DMRT1: variants seen among roughly 807,000 people sequenced by gnomAD.
DMRT1 encodes doublesex- and mab-3-related transcription factor 1.
Under a neutral mutation model 32.3 loss-of-function variants are expected in DMRT1, and 7 were observed. That is an observed-to-expected ratio of 0.22 (90% CI 0.12 to 0.41). DMRT1 has a LOEUF of 0.41. Among genes scored for constraint, DMRT1 ranks in the 10% least tolerant of loss-of-function variants. The pLI is 1.00. For missense variants in DMRT1, 625 were observed against 500.5 expected, an observed-to-expected ratio of 1.25 and a Z score of -2.37; for synonymous variants, 278 against 206.1, an observed-to-expected ratio of 1.35 and a Z score of -2.99.
chr9:865,751 A>G (rs892971487), intron 2 of DMRT1, among the ~76,000 whole-genome samples: 1 of 152,200 alleles, frequency 6.6e-6, no homozygotes, highest in African/African-American at 2.4e-5. Context: ...AACATGGTAG[A>G]TGTATTAAAC....
In DMRT1 at chr9:968,164, T is replaced by A. The variant is rs777852460; in HGVS notation, c.*25T>A. 8 of 1,613,502 alleles carry A rather than the reference T, an allele frequency of 5.0e-6. No homozygotes were observed. In the Admixed American group the frequency reaches 1.3e-4, roughly 27 times the overall value. ...AGCAGTGCCTGCTGCCGATGGCGGT[T>A]CACTTGGAGTAACAGGCTTATTCCA... On this transcript the variant is annotated 3_prime_UTR_variant, in exon 5 of 5. Coordinates refer to ENST00000382276, the MANE Select transcript of DMRT1 (RefSeq NM_021951.3).
intron 2 of DMRT1, among the ~76,000 whole-genome samples, chr9:870,216 G>GA: frequency 6.6e-6 from 1 of 152,180 alleles, no homozygotes; most frequent in East Asian, 1.9e-4. Flanking sequence ...TGGGTAACAC[G>GA]GTGAAACCCC....
chr9:862,055 C>T (rs1382793115), intron 2 of DMRT1, among the ~76,000 whole-genome samples: 14 of 149,200 alleles, frequency 9.4e-5, no homozygotes, highest in South Asian at 2.1e-4. Flanking sequence ...ACATCCCAGA[C>T]GATGGGCGGC....
rs57418212 is a variant in DMRT1 at position 864,499 on chromosome 9, C to CTTTT, written c.538+17370_538+17373dup. ...TGAGCCACCATGCCCAGCCAGTACT[C>CTTTT]TTTTTTTTTTTTTTTTTGAGACGGA... On this transcript the variant is annotated intron_variant, in intron 2 of 4. Transcript: ENST00000382276. Among the ~76,000 whole-genome samples the CTTTT allele has an allele frequency of 2.8e-4, 30 of 108,882 alleles. 3 individuals are homozygous for CTTTT. Among genetic ancestry groups the CTTTT allele is most frequent in the African/African-American group, 3.7e-4 (10 of 26,844 alleles). 71.4% of individuals were successfully genotyped at this position (108,882 alleles called of 152,430 possible).
intron 4 of DMRT1, among the ~76,000 whole-genome samples, chr9:925,976 A>C (rs1012612650): frequency 2.0e-4 from 31 of 152,154 alleles, no homozygotes; most frequent in South Asian, 2.1e-4. Flanking sequence ...TTGAGAGTGC[A>C]CTTGGGAATG....
intron 4 of DMRT1, among the ~76,000 whole-genome samples, chr9:935,809 T>C (rs1051536318): frequency 2.0e-5 from 3 of 152,242 alleles, no homozygotes; most frequent in African/African-American, 7.2e-5. Context: ...TTTTGTTTAC[T>C]TATCAAACCA....
At chr9:854,010 C>A (rs1401904682) in intron 2 of DMRT1, among the ~76,000 whole-genome samples, 1 of 151,550 alleles carries the variant, frequency 6.6e-6, no homozygotes, top group Non-Finnish European at 1.5e-5. Context: ...TTTTGTTGCC[C>A]ACGCTGGTCT....
rs186994574 is a variant in DMRT1 at position 949,615 on chromosome 9, T to G, written c.968-18370T>G. On this transcript the variant is annotated intron_variant, in intron 4 of 4. Coordinates refer to ENST00000382276, the MANE Select transcript of DMRT1 (RefSeq NM_021951.3). ...AAGACCTACCCTCTTAGCAAGTTTT[T>G]AAGCATAAAATACAGTATTGTTAAC... is the stretch of plus-strand genomic sequence containing the variant. 2.6e-3 allele frequency among the ~76,000 whole-genome samples: 402 copies of G among 152,326 alleles called. 3 individuals carry two copies. The highest frequency in any genetic ancestry group is 7.8e-3 in the African/African-American group (323 of 41,570).
In DMRT1 at chr9:841,803, G is replaced by C. The variant is rs1231666722; in HGVS notation, c.-36G>C. On this transcript the variant is annotated 5_prime_UTR_variant, in exon 1 of 5. Transcript: ENST00000382276. ...CTCGCAGCAGTCTCCAGGCGAGAGA[G>C]GGGGCCAGAGTGCTCGCACTTCTCC... 1.3e-6 allele frequency: 2 copies of C among 1,583,868 alleles called. No individual in the cohort carries two copies. Among genetic ancestry groups the C allele is most frequent in the East Asian group, 4.6e-5 (2 of 43,458 alleles).
intron 4 of DMRT1, among the ~76,000 whole-genome samples, chr9:954,862 G>A (rs1353250043): frequency 2.0e-5 from 3 of 151,956 alleles, no homozygotes; most frequent in Non-Finnish European, 4.4e-5. Context: ...GGCTGGTCTC[G>A]GACTCCTGAC....
rs1253822056 is a variant in DMRT1, at chr9:847,003, T to G, written c.398T>G (p.Ile133Ser). 1 of 1,614,130 alleles carries G rather than the reference T, an allele frequency of 6.2e-7. No homozygotes were observed. Among genetic ancestry groups the G allele is most frequent in the African/African-American group, 1.3e-5 (1 of 75,050 alleles). The change falls in exon 2 of 5, where the codon ATC becomes AGC. Residue 133 changes from isoleucine to serine, a missense_variant. Transcript: ENST00000382276. ...RQQAQEEELGISHPIPLPSAA... is the reference protein window; with the variant it reads ...RQQAQEEELGSSHPIPLPSAA... ...CAGGCCCAGGAGGAGGAATTGGGTA[T>G]CAGCCACCCCATCCCACTGCCCAGT...
Position 842,187 on chromosome 9 carries a change from G to T in DMRT1, c.349G>T (p.Ala117Ser). The T allele has an allele frequency of 6.5e-7, 1 of 1,539,298 alleles. No individual in the cohort carries two copies. The change falls in exon 1 of 5, where the codon GCG becomes TCG. Residue 117 changes from alanine (A) to serine (S), a missense_variant. Coordinates refer to ENST00000382276, the MANE Select transcript of DMRT1 (RefSeq NM_021951.3). ...CGCCGAGAGGCAGCGCGTGATGGCC[G>T]CGCAGGTGGGTGCGGGCGTGCGGGA... is the stretch of plus-strand genomic sequence containing the variant. ...LIAERQRVMAAQVALRRQQAQ... is the reference protein window; with the variant it reads ...LIAERQRVMASQVALRRQQAQ...
At chr9:937,925 T>G (rs1408279008) in intron 4 of DMRT1, among the ~76,000 whole-genome samples, 3 of 152,130 alleles carry the variant, frequency 2.0e-5, no homozygotes, top group African/African-American at 7.2e-5. Context: ...CATTGTCAAA[T>G]CCAAGGTTAT....
At chr9:846,855 C>T (rs1838926890) in intron 1 of DMRT1, 105 bp from the exon 2 acceptor site, 1 of 1,383,630 alleles carries the variant, frequency 7.2e-7, no homozygotes, top group African/African-American at 1.4e-5. Context: ...CAGACCTCAC[C>T]TCCAGAGCTA....
At chr9:874,839 G>A (rs868699033) in intron 2 of DMRT1, among the ~76,000 whole-genome samples, 1 of 118,194 alleles carries the variant, frequency 8.5e-6, no homozygotes, top group East Asian at 2.5e-4. Context: ...ATGGAGTCTC[G>A]CTCTGTCACC....
At chr9:866,303 G>T (rs1815987336) in intron 2 of DMRT1, among the ~76,000 whole-genome samples, 1 of 151,904 alleles carries the variant, frequency 6.6e-6, no homozygotes, top group African/African-American at 2.4e-5. Context: ...TCAGGACATT[G>T]CATATCAGAT....
At chr9:882,980 C>G (rs1170081734) in intron 2 of DMRT1, among the ~76,000 whole-genome samples, 1 of 151,784 alleles carries the variant, frequency 6.6e-6, no homozygotes, top group Non-Finnish European at 1.5e-5. Flanking sequence ...CCATGTTGGC[C>G]AGGCTGGTTT....
chr9:885,148 G>A (rs1489502338), intron 2 of DMRT1, among the ~76,000 whole-genome samples: 1 of 152,198 alleles, frequency 6.6e-6, no homozygotes, highest in Non-Finnish European at 1.5e-5. Context: ...AGGCCGTGGG[G>A]CTCCGACCCC....
intron 2 of DMRT1, among the ~76,000 whole-genome samples, chr9:853,544 C>G (rs1287894420): frequency 6.8e-6 from 1 of 148,146 alleles, no homozygotes. Context: ...GTGATCTCGG[C>G]TCACTGCAAT....
Sources: allele counts gnomAD v4.1 joint callset (sites outside exome capture counted in the v4.1 genomes callset), GRCh38; gene constraint gnomAD v4.1.1; transcripts MANE v1.5; gene names NCBI Gene and HGNC (gene_info 2026-07-23, HGNC 2026-07-21).